Variants in VIL1 observed in about 807,000 individuals in gnomAD.
VIL1 encodes the protein villin-1.
VIL1 carries 86 observed loss-of-function variants against 104.0 expected under a neutral mutation model. The observed-to-expected ratio is 0.83, with a 90% confidence interval of 0.69 to 0.99. The LOEUF (loss-of-function observed/expected upper bound fraction) is 0.99, where lower values mean the gene tolerates loss of function less well. VIL1 is among the 50% of genes least tolerant of loss of function. The pLI, the probability that VIL1 is intolerant of heterozygous loss-of-function variation, is 0.00. For missense variants in VIL1, 944 were observed against 1,054.1 expected (o/e 0.90, Z 1.45); for synonymous variants, 394 against 412.6 (o/e 0.95, Z 0.55).
In VIL1 at chr2:218,451,752, A is replaced by T. The variant is rs1270081292; in HGVS notation, c.*2416A>T. On this transcript the variant is annotated 3_prime_UTR_variant, in exon 20 of 20. Transcript: ENST00000248444. ...AGTCTAACATTTGCTTTCTGGAGTT[A>T]ATTAACTGATCTGTAAGAACCACTG... 2 of 152,706 alleles carry T rather than the reference A, an allele frequency of 1.3e-5. No homozygotes were observed. The highest frequency in any genetic ancestry group is 3.9e-4 in the East Asian group (2 of 5,186). The allele number at this position is 152,706 out of a possible 1,614,324, so 9.5% of individuals were successfully genotyped here.
chr2:218,449,255 C>T lies in VIL1; in HGVS notation c.2403C>T (p.Ala801=), dbSNP rs761489421. ...TGTCCATTGAAGATTTCACTCAGGC[C>T]TTTGGGATGACTCCAGCTGCCTTCT... The part of the protein sequence containing the change: ...EHLSIEDFTQ[A]FGMTPAAFSA... The change falls in exon 20 of 20, where the codon GCC becomes GCT. Residue 801 remains alanine, a synonymous_variant. Coordinates refer to ENST00000248444, the MANE Select transcript of VIL1 (RefSeq NM_007127.3). 2.5e-6 allele frequency: 4 copies of T among 1,614,030 alleles called. No homozygotes were observed. The highest frequency in any genetic ancestry group is 1.7e-5 in the Admixed American group (1 of 60,022).
At chr2:218,441,487 T>C (rs931585252) in intron 19 of VIL1, among the ~76,000 whole-genome samples, 67 of 152,194 alleles carry the variant, frequency 4.4e-4, no homozygotes, top group African/African-American at 1.2e-3. Context: ...AAGTTAGTTC[T>C]GGAGAAGGGA....
chr2:218,449,614 C>A lies in VIL1; in HGVS notation c.*278C>A. The A allele has an allele frequency of 3.2e-6, 1 of 315,964 alleles. No homozygotes were observed. Among genetic ancestry groups the A allele is most frequent in the Non-Finnish European group, 6.2e-6 (1 of 161,274 alleles). The allele number at this position is 315,964 out of a possible 1,614,324, so 19.6% of individuals were successfully genotyped here. ...AATTTTAATACTCCTATAGTTTTCTCTTCTTAGAAGAGCACAAACACTCCA... is the reference window on the plus strand; with the variant it reads ...AATTTTAATACTCCTATAGTTTTCTATTCTTAGAAGAGCACAAACACTCCA... On this transcript the variant is annotated 3_prime_UTR_variant, in exon 20 of 20. Coordinates refer to ENST00000248444, the MANE Select transcript of VIL1 (RefSeq NM_007127.3).
At chr2:218,433,839 G>T (rs1442507645) in intron 13 of VIL1, among the ~76,000 whole-genome samples, 1 of 150,942 alleles carries the variant, frequency 6.6e-6, no homozygotes, top group Non-Finnish European at 1.5e-5. Flanking sequence ...CCTGGGAGAC[G>T]CTGAGTCAGG....
chr2:218,452,050 A>G lies in VIL1; in HGVS notation c.*2714A>G, dbSNP rs1689498787. ...GCTATTAAAGAAATTAACAGCATCCAGCCACATGCAACTTTCCAACCTTCA... is the reference window on the plus strand; with the variant it reads ...GCTATTAAAGAAATTAACAGCATCCGGCCACATGCAACTTTCCAACCTTCA... On this transcript the variant is annotated 3_prime_UTR_variant, in exon 20 of 20. Transcript: ENST00000248444. 2.0e-5 allele frequency: 3 copies of G among 152,680 alleles called. 1 individual carries two copies. The highest frequency in any genetic ancestry group is 4.1e-4 in the South Asian group (2 of 4,834). 9.5% of individuals were successfully genotyped at this position (152,680 alleles called of 1,614,324 possible).
intron 7 of VIL1, 26 bp from the exon 8 acceptor site, chr2:218,429,571 A>C: frequency 6.2e-7 from 1 of 1,614,046 alleles, no homozygotes; most frequent in Non-Finnish European, 8.5e-7. Context: ...CCCCCTCCCC[A>C]TCTATGCCTT....
chr2:218,436,576 C>A lies in VIL1; in HGVS notation c.1921C>A (p.Gln641Lys). 1 of 1,614,104 alleles carries A rather than the reference C, an allele frequency of 6.2e-7. No homozygotes were observed. The highest frequency in any genetic ancestry group is 8.5e-7 in the Non-Finnish European group (1 of 1,180,036). Residue 641 changes from glutamine (Q) to lysine (K), a missense_variant, in exon 16 of 20, where the codon CAG (glutamine) becomes AAG (lysine). Transcript: ENST00000248444. Reference protein sequence around the residue: ...FLATEIPDFNQDDLEEDDVFL... With the variant: ...FLATEIPDFNKDDLEEDDVFL... ...GGCCACAGAGATCCCTGACTTCAAT[C>A]AGGATGACTTGGAAGAGGATGATGT...
intron 5 of VIL1, 62 bp downstream of exon 5, chr2:218,428,135 T>G: frequency 1.3e-6 from 2 of 1,596,126 alleles, no homozygotes; most frequent in East Asian, 2.2e-5. Flanking sequence ...GGGCAGGGGC[T>G]GAGGAGGGGT....
chr2:218,433,743 C>A (rs1463502948), intron 13 of VIL1, among the ~76,000 whole-genome samples: 1 of 152,030 alleles, frequency 6.6e-6, no homozygotes, highest in Non-Finnish European at 1.5e-5. Context: ...TCTGTCTCTA[C>A]TAAAAATACA....
At chr2:218,441,803 C>T (rs532463465) in intron 19 of VIL1, among the ~76,000 whole-genome samples, 1 of 152,194 alleles carries the variant, frequency 6.6e-6, no homozygotes, top group South Asian at 2.1e-4. Flanking sequence ...GCCTGGCCAA[C>T]ATGGTGAAAC....
chr2:218,446,565 C>T, intron 19 of VIL1, among the ~76,000 whole-genome samples: 1 of 151,962 alleles, frequency 6.6e-6, no homozygotes, highest in Non-Finnish European at 1.5e-5. Context: ...GGAACCAAAC[C>T]TGTAAGCCAA....
chr2:218,435,239 G>C, intron 14 of VIL1, 50 bp from the exon 15 acceptor site: 1 of 1,594,510 alleles, frequency 6.3e-7, no homozygotes, highest in Admixed American at 1.7e-5. Context: ...GTAGTAGGAG[G>C]GTGGAGGTAG....
At chr2:218,444,053 C>T (rs993859221) in intron 19 of VIL1, among the ~76,000 whole-genome samples, 1 of 152,180 alleles carries the variant, frequency 6.6e-6, no homozygotes, top group Admixed American at 6.5e-5. Context: ...GCAACCTCCA[C>T]CTCCCTGGTT....
chr2:218,421,295 G>C (rs1688896147), intron 1 of VIL1, among the ~76,000 whole-genome samples: 1 of 152,140 alleles, frequency 6.6e-6, no homozygotes, highest in African/African-American at 2.4e-5. Flanking sequence ...GAGTTTAGGT[G>C]GATGGAAGGG....
rs905492396 is a variant in VIL1, at chr2:218,419,557, G to A, written c.-12+389G>A. ...TCCCCACCAGCTCATCTCTTTGCCC[G>A]TGCGTTCTTCATCTGAAGTGTTTTT... On this transcript the variant is annotated intron_variant, in intron 1 of 19. Transcript: ENST00000248444. 5.9e-5 allele frequency among the ~76,000 whole-genome samples: 9 copies of A among 152,146 alleles called. No individual in the cohort carries two copies. In the East Asian group the frequency reaches 1.2e-3, roughly 20 times the overall value.
rs150960542 is a variant in VIL1 at position 218,452,658 on chromosome 2, A to AGT, written c.*3325_*3326dup. The AGT allele has an allele frequency of 2.2e-3, 336 of 152,336 alleles. 3 individuals are homozygous for AGT. Among genetic ancestry groups the AGT allele is most frequent in the African/African-American group, 7.6e-3 (318 of 41,572 alleles). 9.4% of individuals were successfully genotyped at this position (152,336 alleles called of 1,614,324 possible). On this transcript the variant is annotated 3_prime_UTR_variant, in exon 20 of 20. Transcript: ENST00000248444. ...AAGATCAAATCAGGTTTCTGAGGTA[A>AGT]GTGTACTTCTAAACCATACACACAT...
chr2:218,444,618 T>A (rs1689336886), intron 19 of VIL1, among the ~76,000 whole-genome samples: 1 of 152,158 alleles, frequency 6.6e-6, no homozygotes, highest in Non-Finnish European at 1.5e-5. Context: ...TAGTATACAT[T>A]CTTGTGGGAG....
At chr2:218,424,407 AG>A in intron 3 of VIL1, 56 bp downstream of exon 3, 2 of 1,578,564 alleles carry the variant, frequency 1.3e-6, no homozygotes, top group Non-Finnish European at 8.7e-7. Context: ...CTGTGGTGTC[AG>A]GGAGGAAACA....
chr2:218,420,592 TG>T (rs371307561), intron 1 of VIL1, among the ~76,000 whole-genome samples: 46 of 118,344 alleles, frequency 3.9e-4, no homozygotes, highest in Non-Finnish European at 5.1e-4. Context: ...TTTTTTTTTT[TG>T]TTTTTTTTTT....
Sources: gnomAD v4.1 joint callset for allele counts (sites outside exome capture counted in the v4.1 genomes callset) on GRCh38, gnomAD v4.1.1 for gene constraint, MANE v1.5 for transcripts, NCBI Gene and HGNC (gene_info 2026-07-23, HGNC 2026-07-21) for gene names.